The following NEGR1 variants were observed in gnomAD, a reference collection of about 807,000 sequenced individuals.
NEGR1 encodes IgLON family member 4.
NEGR1 carries 10 observed loss-of-function variants against 40.9 expected under a neutral mutation model. The observed-to-expected ratio is 0.24, with a 90% CI of 0.15 to 0.42. The LOEUF is 0.42. NEGR1 is among the 10% of genes least tolerant of loss of function. The pLI is 1.00. For missense variants in NEGR1, 352 were observed against 438.9 expected, an observed-to-expected ratio of 0.80 and a Z score of 1.77; for synonymous variants, 185 against 166.8, an observed-to-expected ratio of 1.11 and a Z score of -0.84.
intron 6 of NEGR1, among the ~76,000 whole-genome samples, chr1:71,465,245 T>C (rs990817155): frequency 6.6e-6 from 1 of 152,136 alleles, no homozygotes; most frequent in African/African-American, 2.4e-5. Context: ...AGTTTTACTC[T>C]GTGCCAGCCA....
At chr1:71,466,018 T>C (rs570039034) in intron 6 of NEGR1, among the ~76,000 whole-genome samples, 3 of 152,126 alleles carry the variant, frequency 2.0e-5, no homozygotes, top group East Asian at 1.9e-4. Context: ...TCTTTGGAGA[T>C]TGACAGACCC....
intron 2 of NEGR1, among the ~76,000 whole-genome samples, chr1:71,932,974 G>A (rs980279122): frequency 3.3e-5 from 5 of 151,980 alleles, no homozygotes; most frequent in Admixed American, 6.6e-5. Context: ...TTTGAAAACC[G>A]CCTACATGTC....
At chr1:71,431,097 A>G (rs1646465180) in intron 6 of NEGR1, among the ~76,000 whole-genome samples, 2 of 141,884 alleles carry the variant, frequency 1.4e-5, no homozygotes, top group African/African-American at 5.3e-5. Context: ...TTTTTTTATG[A>G]TCATAAAAAA....
intron 4 of NEGR1, among the ~76,000 whole-genome samples, chr1:71,636,570 T>C (rs1209364157): frequency 2.0e-5 from 3 of 152,098 alleles, no homozygotes; most frequent in Non-Finnish European, 2.9e-5. Flanking sequence ...GCTTCTCCAA[T>C]GGAAAGGTTC....
chr1:72,271,204 G>A (rs914113360), intron 1 of NEGR1, among the ~76,000 whole-genome samples: 1 of 151,820 alleles, frequency 6.6e-6, no homozygotes, highest in Non-Finnish European at 1.5e-5. Context: ...TTCACGTCTA[G>A]AATTAATAAT....
chr1:71,613,773 C>A (rs183617189), intron 4 of NEGR1, among the ~76,000 whole-genome samples: 240 of 151,872 alleles, frequency 1.6e-3, no homozygotes, highest in African/African-American at 5.6e-3. Flanking sequence ...TTTCAAATAA[C>A]ACTATAGAAA....
chr1:71,979,747 G>C (rs1227216171), intron 1 of NEGR1, among the ~76,000 whole-genome samples: 2 of 152,042 alleles, frequency 1.3e-5, no homozygotes, highest in African/African-American at 4.8e-5. Context: ...AAAGAAGCAG[G>C]TCAATCTGAG....
chr1:71,785,806 A>G (rs867199340), intron 2 of NEGR1, among the ~76,000 whole-genome samples: 28 of 152,216 alleles, frequency 1.8e-4, no homozygotes, highest in African/African-American at 6.0e-4. Flanking sequence ...AGAGAACCCA[A>G]TGTCTACCCT....
At chr1:71,553,054 T>TA (rs141654679) in intron 6 of NEGR1, among the ~76,000 whole-genome samples, 7,081 of 151,406 alleles carry the variant, frequency 0.047, 556 homozygotes, top group African/African-American at 0.16. Flanking sequence ...GTAAAAATGT[T>TA]AAAAAAAACC....
At position 71,624,785 on chromosome 1, in the gene NEGR1, C is replaced by T. The variant is rs373012414; in HGVS notation, c.668-13639G>A. On this transcript the variant is annotated intron_variant, in intron 4 of 6. Coordinates refer to ENST00000357731, the MANE Select transcript of NEGR1 (RefSeq NM_173808.3). ...CTCCCTGACCTCCTATATAAAATGG[C>T]AATCCTACCCCCTTACTCTCAAATT... 4.6e-5 allele frequency among the ~76,000 whole-genome samples: 7 copies of T among 151,928 alleles called. No homozygotes were observed. The East Asian group carries it at 5.9e-4, about 13-fold the overall frequency.
chr1:71,479,235 G>A (rs916938985), intron 6 of NEGR1, among the ~76,000 whole-genome samples: 2 of 151,922 alleles, frequency 1.3e-5, no homozygotes, highest in Non-Finnish European at 2.9e-5. Flanking sequence ...AGTCGACGCA[G>A]CACTAATGTT....
intron 4 of NEGR1, among the ~76,000 whole-genome samples, chr1:71,612,982 G>A (rs987726823): frequency 2.6e-5 from 4 of 152,208 alleles, no homozygotes; most frequent in Non-Finnish European, 5.9e-5. Context: ...GTCATTTCAA[G>A]GAATTGACTT....
chr1:71,646,943 G>A lies in NEGR1; in HGVS notation c.668-35797C>T, dbSNP rs140192673. Among the ~76,000 whole-genome samples, 11 of 151,770 alleles carry A rather than the reference G, an allele frequency of 7.2e-5. No homozygotes were observed. In the East Asian group the frequency reaches 9.7e-4, roughly 13 times the overall value. On this transcript the variant is annotated intron_variant, in intron 4 of 6. Transcript: ENST00000357731. The stretch of plus-strand genomic sequence containing the variant: ...ATTATTTAAGAAACAGACTATAAGC[G>A]AATACACTAAGACAATAGTGAACTA...
intron 6 of NEGR1, among the ~76,000 whole-genome samples, chr1:71,447,776 A>C (rs955624631): frequency 2.0e-5 from 3 of 152,218 alleles, no homozygotes; most frequent in African/African-American, 7.2e-5. Context: ...GTTCACAATG[A>C]CTAGAATGAG....
chr1:72,216,056 CA>C (rs1223806825), intron 1 of NEGR1, among the ~76,000 whole-genome samples: 1 of 151,620 alleles, frequency 6.6e-6, no homozygotes, highest in Non-Finnish European at 1.5e-5. Flanking sequence ...ATGTCGTTTG[CA>C]GGGACATGGA....
chr1:71,792,771 G>A (rs535923499), intron 2 of NEGR1, among the ~76,000 whole-genome samples: 1 of 152,200 alleles, frequency 6.6e-6, no homozygotes, highest in African/African-American at 2.4e-5. Flanking sequence ...GGTACCTTCA[G>A]GAACTAAGCT....
At chr1:71,618,206 A>C (rs1650504131) in intron 4 of NEGR1, among the ~76,000 whole-genome samples, 1 of 152,178 alleles carries the variant, frequency 6.6e-6, no homozygotes, top group Non-Finnish European at 1.5e-5. Context: ...AAAGACTTTG[A>C]GCATTACTTC....
chr1:72,171,645 T>C (rs1651968791), intron 1 of NEGR1, among the ~76,000 whole-genome samples: 1 of 152,224 alleles, frequency 6.6e-6, no homozygotes, highest in Admixed American at 6.5e-5. Context: ...ACTCGATAAA[T>C]ATTAGCAATA....
chr1:71,714,237 G>A (rs1439694496), intron 3 of NEGR1, among the ~76,000 whole-genome samples: 1 of 152,134 alleles, frequency 6.6e-6, no homozygotes, highest in Non-Finnish European at 1.5e-5. Context: ...ATGAGAACAG[G>A]ATGGGGAAAA....
Sources: gnomAD v4.1 joint callset for allele counts (sites outside exome capture counted in the v4.1 genomes callset) on GRCh38, gnomAD v4.1.1 for gene constraint, MANE v1.5 for transcripts, NCBI Gene and HGNC (gene_info 2026-07-23, HGNC 2026-07-21) for gene names.